Variants in UNC79 observed in about 807,000 individuals in gnomAD.
UNC79 encodes the protein unc-79 subunit of NALCN channel complex, also known as protein unc-79 homolog.
UNC79 carries 37 observed loss-of-function variants against 283.1 expected under a neutral mutation model. That is an observed-to-expected ratio of 0.13 (90% CI 0.10 to 0.17). UNC79 has a LOEUF of 0.17. Ranked by LOEUF, UNC79 falls within the 10% of genes least tolerant of loss-of-function variation. The pLI is 1.00. For missense variants in UNC79, 2,272 were observed against 3,211.1 expected, an observed-to-expected ratio of 0.71 and a Z score of 7.07; for synonymous variants, 1,107 against 1,200.2, an observed-to-expected ratio of 0.92 and a Z score of 1.61.
intron 7 of UNC79, among the ~76,000 whole-genome samples, chr14:93,505,249 A>C (rs2059473525): frequency 2.0e-5 from 3 of 152,082 alleles, no homozygotes; most frequent in African/African-American, 7.2e-5. Flanking sequence ...TACCAAGAGC[A>C]GGGTGTTAAA....
intron 2 of UNC79, among the ~76,000 whole-genome samples, chr14:93,470,236 A>T (rs1251328110): frequency 6.6e-6 from 1 of 152,160 alleles, no homozygotes; most frequent in African/African-American, 2.4e-5. Flanking sequence ...TCAGGGTTGC[A>T]TTTTTGGAGC....
chr14:93,530,276 A>T (rs957797663), intron 10 of UNC79, among the ~76,000 whole-genome samples: 3 of 152,110 alleles, frequency 2.0e-5, no homozygotes, highest in African/African-American at 4.8e-5. Flanking sequence ...AAATTTACAT[A>T]AAAATATCTG....
chr14:93,440,070 A>G (rs1595482701), intron 1 of UNC79, among the ~76,000 whole-genome samples: 1 of 152,188 alleles, frequency 6.6e-6, no homozygotes, highest in East Asian at 1.9e-4. Context: ...ACAATAAAAA[A>G]ATACAGTGGG....
chr14:93,653,449 G>A (rs2140338542), intron 35 of UNC79, among the ~76,000 whole-genome samples: 1 of 152,128 alleles, frequency 6.6e-6, no homozygotes, highest in Non-Finnish European at 1.5e-5. Flanking sequence ...CATTCTGTGA[G>A]CATGTGACCT....
intron 14 of UNC79, among the ~76,000 whole-genome samples, chr14:93,563,643 G>T (rs13329025): frequency 0.26 from 39,040 of 152,004 alleles, 5,572 homozygotes; most frequent in East Asian, 0.69. Flanking sequence ...GGTGAGTGGC[G>T]ATTAGGCCTG....
chr14:93,558,169 A>ATGACAGAACAACGCAGAACAAC (rs2062289245), intron 14 of UNC79, among the ~76,000 whole-genome samples: 1 of 152,222 alleles, frequency 6.6e-6, no homozygotes, highest in Non-Finnish European at 1.5e-5. Context: ...CAACCCCTCC[A>ATGACAGAACAACGCAGAACAAC]TGACAGAACA....
chr14:93,571,978 A>G, exon 15 of UNC79: 1 of 1,614,194 alleles, frequency 6.2e-7, no homozygotes, highest in Non-Finnish European at 8.5e-7. Flanking sequence ...GATCCCCTAT[A>G]ATGTGATCAA....
chr14:93,382,367 C>G (rs2054681594), intron 1 of UNC79, among the ~76,000 whole-genome samples: 1 of 152,100 alleles, frequency 6.6e-6, no homozygotes, highest in Non-Finnish European at 1.5e-5. Flanking sequence ...TTCCCACTCC[C>G]CAAAGATGTC....
intron 5 of UNC79, among the ~76,000 whole-genome samples, chr14:93,490,843 C>T (rs2058688980): frequency 6.6e-6 from 1 of 152,158 alleles, no homozygotes; most frequent in Non-Finnish European, 1.5e-5. Flanking sequence ...CTCTTCCAGC[C>T]CCTACCTGTT....
chr14:93,601,620 G>C (rs1297411516), intron 25 of UNC79, among the ~76,000 whole-genome samples: 2 of 152,184 alleles, frequency 1.3e-5, no homozygotes, highest in East Asian at 3.8e-4. Flanking sequence ...TAGAGACCCA[G>C]TAGTGGGATT....
rs2059048653 is a variant in UNC79, at chr14:93,497,097, TC to T, written c.769-59del. 5 of 1,553,558 alleles carry T rather than the reference TC, an allele frequency of 3.2e-6. No individual in the cohort carries two copies. In the East Asian group the frequency reaches 1.1e-4, roughly 35 times the overall value. On this transcript the variant is annotated intron_variant, in intron 6 of 48. Transcript: ENST00000555664. ...TTTCACTGCTTTGGTAATGTTGAAGTCTCTACCTTTCTTTTTATTTCATGAT... is the reference window on the plus strand; with the variant it reads ...TTTCACTGCTTTGGTAATGTTGAAGTTCTACCTTTCTTTTTATTTCATGAT...
At chr14:93,400,964 A>G (rs2055096477) in intron 1 of UNC79, among the ~76,000 whole-genome samples, 3 of 152,208 alleles carry the variant, frequency 2.0e-5, no homozygotes, top group Admixed American at 2.0e-4. Flanking sequence ...TCAAGTCTGG[A>G]TAACAGTGAT....
At position 93,493,884 on chromosome 14, in the gene UNC79, T is replaced by C. The variant is rs369058054; in HGVS notation, c.713-2527T>C. Reference sequence around the variant, plus strand: ...GAAGGGGAAGTGCCACATATATATATATATATATATATATATATTTTTTTT... The same window carrying C: ...GAAGGGGAAGTGCCACATATATATACATATATATATATATATATTTTTTTT... On this transcript the variant is annotated intron_variant, in intron 5 of 48. Transcript: ENST00000555664. 1.8e-3 allele frequency among the ~76,000 whole-genome samples: 124 copies of C among 70,174 alleles called. 1 individual carries two copies. The highest frequency in any genetic ancestry group is 2.9e-3 in the Non-Finnish European group (109 of 37,786). 46.0% of individuals were successfully genotyped at this position (70,174 alleles called of 152,430 possible).
At chr14:93,431,110 C>T in intron 1 of UNC79, 59 bp downstream of exon 1, 3 of 551,160 alleles carry the variant, frequency 5.4e-6, no homozygotes, top group East Asian at 8.4e-5. Context: ...ATTGCAGCTG[C>T]GGCGTTTGCG....
intron 1 of UNC79, among the ~76,000 whole-genome samples, chr14:93,403,810 A>G (rs538923606): frequency 6.6e-6 from 1 of 152,246 alleles, no homozygotes; most frequent in Non-Finnish European, 1.5e-5. Context: ...CCAATAAAGG[A>G]TCCCAGAAAA....
At chr14:93,541,377 A>G (rs2061362574) in intron 13 of UNC79, among the ~76,000 whole-genome samples, 1 of 152,260 alleles carries the variant, frequency 6.6e-6, no homozygotes, top group Non-Finnish European at 1.5e-5. Flanking sequence ...GATCAAACAT[A>G]CAGATCTAAC....
At chr14:93,566,239 C>T (rs1301958378) in intron 14 of UNC79, among the ~76,000 whole-genome samples, 1 of 152,150 alleles carries the variant, frequency 6.6e-6, no homozygotes, top group African/African-American at 2.4e-5. Flanking sequence ...ATAAACCAGA[C>T]TCTTTGGCTC....
intron 7 of UNC79, among the ~76,000 whole-genome samples, chr14:93,497,784 T>A (rs527349011): frequency 6.6e-6 from 1 of 151,754 alleles, no homozygotes; most frequent in African/African-American, 2.4e-5. Context: ...TCAGGAGATG[T>A]AGACCATCCT....
chr14:93,467,635 T>TTTTTTTTTTTTTTTTTC, intron 1 of UNC79, 36 bp from the exon 2 acceptor site: 2 of 637,328 alleles, frequency 3.1e-6, no homozygotes, highest in Non-Finnish European at 1.9e-6. Context: ...TTCCTTTTTT[T>TTTTTTTTTTTTTTTTTC]TTTTTTTTTT....
Sources: gnomAD v4.1 joint callset for allele counts (sites outside exome capture counted in the v4.1 genomes callset) on GRCh38, gnomAD v4.1.1 for gene constraint, MANE v1.5 for transcripts, NCBI Gene and HGNC (gene_info 2026-07-23, HGNC 2026-07-21) for gene names.